Variants in SNAPC4 observed in about 807,000 individuals in gnomAD.
SNAPC4 encodes small nuclear RNA activating complex polypeptide 4.
In SNAPC4, 127 loss-of-function variants were observed where a neutral mutation model predicts 151.3. The ratio of observed to expected loss-of-function variants is 0.84; its 90% confidence interval spans 0.73 to 0.97. The LOEUF (loss-of-function observed/expected upper bound fraction) is 0.97, where lower values mean the gene tolerates loss of function less well. Ranked by LOEUF, SNAPC4 falls within the 50% of genes least tolerant of loss-of-function variation. The probability of loss-of-function intolerance (pLI) is 0.00; values close to 1 mark genes in which losing one functional copy is unlikely to be tolerated. For missense variants in SNAPC4, 2,186 were observed against 1,935.0 expected (o/e 1.13, Z -2.43); for synonymous variants, 1,002 against 824.4 (o/e 1.22, Z -3.69).
intron 6 of SNAPC4, 56 bp downstream of exon 6, chr9:136,394,744 G>C (rs935295551): frequency 4.8e-6 from 7 of 1,467,414 alleles, no homozygotes; most frequent in Non-Finnish European, 6.7e-6. Context: ...GGAAAGGAGG[G>C]CCATGGGGAG....
In SNAPC4 at chr9:136,392,015, T is replaced by C. The variant is rs995543337; in HGVS notation, c.902A>G (p.Glu301Gly). ...CGCGATCGCCTGCAGCCGCTCCTCC[T>C]CCTCCCTGCTCCACTCCTGCTTGTT... The part of the protein sequence containing the change: ...SINKQEWSRE[E>G]EERLQAIAAA... Residue 301 changes from glutamate to glycine, a missense_variant, in exon 10 of 24, where the codon GAG (glutamate) becomes GGG (glycine). Coordinates refer to ENST00000684778, the MANE Select transcript of SNAPC4 (RefSeq NM_003086.4). 6.2e-7 allele frequency: 1 copy of C among 1,611,670 alleles called. No individual in the cohort carries two copies. The highest frequency in any genetic ancestry group is 8.5e-7 in the Non-Finnish European group (1 of 1,179,948).
At chr9:136,398,094 G>A (rs915623919) in intron 2 of SNAPC4, among the ~76,000 whole-genome samples, 2 of 152,066 alleles carry the variant, frequency 1.3e-5, no homozygotes, top group Non-Finnish European at 1.5e-5. Flanking sequence ...TATTTTTAGA[G>A]ACAGGGTCTT....
intron 7 of SNAPC4, 106 bp from the exon 8 acceptor site, chr9:136,392,883 G>A (rs573016508): frequency 6.7e-5 from 62 of 925,748 alleles, no homozygotes; most frequent in African/African-American, 2.0e-4. Context: ...CAGAGATTCC[G>A]AGCCTCCCTC....
chr9:136,388,684 G>A (rs1217923246), intron 10 of SNAPC4, 93 bp from the exon 11 acceptor site: 2 of 1,497,918 alleles, frequency 1.3e-6, no homozygotes, highest in Non-Finnish European at 1.8e-6. Context: ...GTGGGCCCAT[G>A]AGCCACTGGG....
rs1297225121 is a variant in SNAPC4, at chr9:136,383,457, A to G, written c.1712T>C (p.Leu571Pro). Reference sequence around the variant, plus strand: ...GGTGCTCTGCCTGGCAGGAACCCACAGGTCCATGTCCGGGACCATGTACTG... The same window carrying G: ...GGTGCTCTGCCTGGCAGGAACCCACGGGTCCATGTCCGGGACCATGTACTG... ...SPQYMVPDMD[L>P]WVPARQSTSQ... Residue 571 changes from leucine (L) to proline (P), a missense_variant, in exon 16 of 24, where the codon CTG (leucine) becomes CCG (proline). Physicochemically the swap from Leu to Pro is moderately conservative, Grantham distance 98. Transcript: ENST00000684778. This position sits in a 1 kb window ranked among gnomAD's most constrained non-coding sequence, Gnocchi z 4.2. 6.4e-7 allele frequency: 1 copy of G among 1,562,268 alleles called. No individual in the cohort carries two copies. Among genetic ancestry groups the G allele is most frequent in the Non-Finnish European group, 8.7e-7 (1 of 1,153,540 alleles).
chr9:136,391,109 C>T (rs1834058927), intron 10 of SNAPC4, among the ~76,000 whole-genome samples: 1 of 152,206 alleles, frequency 6.6e-6, no homozygotes, highest in Non-Finnish European at 1.5e-5. Context: ...GCTGGGATTA[C>T]AGGGGTGAGC....
At chr9:136,382,149 C>T (rs1208802984) in intron 17 of SNAPC4, 76 bp from the exon 18 acceptor site, 1 of 1,569,728 alleles carries the variant, frequency 6.4e-7, no homozygotes, top group Non-Finnish European at 8.6e-7. Context: ...GTGGCCAGTG[C>T]TGCCCTCCAC....
chr9:136,381,840 G>A lies in SNAPC4; in HGVS notation c.2301C>T (p.Ala767=), dbSNP rs201461888. 91 of 1,609,108 alleles carry A rather than the reference G, an allele frequency of 5.7e-5. No homozygotes were observed. Among genetic ancestry groups the A allele is most frequent in the Admixed American group, 8.3e-5 (5 of 59,982 alleles). The change falls in exon 18 of 24, where the codon GCC becomes GCT. Residue 767 remains alanine (A), a synonymous_variant. Transcript: ENST00000684778. ...AGGCCATACCTTGAGTCTGCACTAC[G>A]GCGGGTCTCTGGGAAGCCTGTGTGC... ...VPCTQASQRP[A]VVQTQADGLR...
rs1833531253 is a variant in SNAPC4, at chr9:136,378,100, G to GCAGGGGCAGCTTCTCCAGGCC, written c.3706_3726dup (p.Gly1236_Leu1242dup). The stretch of plus-strand genomic sequence containing the variant: ...GCCCCCTTCTCAGGCCCAGGCTGGC[G>GCAGGGGCAGCTTCTCCAGGCC]CAGGGGCAGCTTCTCCAGGCCCAGA... On this transcript the variant is annotated inframe_insertion, in exon 22 of 24. Transcript: ENST00000684778. 1.3e-6 allele frequency: 2 copies of GCAGGGGCAGCTTCTCCAGGCC among 1,590,858 alleles called. No individual in the cohort carries two copies. Among genetic ancestry groups the GCAGGGGCAGCTTCTCCAGGCC allele is most frequent in the African/African-American group, 1.3e-5 (1 of 74,540 alleles).
chr9:136,378,454 G>C lies in SNAPC4; in HGVS notation c.3373C>G (p.Pro1125Ala). ...GAGCTGCTCAACGCTGGGGCCCTGG[G>C]GCCCTGGGCCGCCCGAGTCTCAGTC... The part of the protein sequence containing the change: ...PLTETRAAQG[P>A]RAPALSSSWQ... Residue 1125 changes from proline (P) to alanine (A), a missense_variant, in exon 22 of 24, where the codon CCC (proline) becomes GCC (alanine). Physicochemically the swap from Pro to Ala is conservative, Grantham distance 27. Transcript: ENST00000684778. The C allele has an allele frequency of 6.3e-7, 1 of 1,588,972 alleles. No homozygotes were observed. The highest frequency in any genetic ancestry group is 1.1e-5 in the South Asian group (1 of 89,828).
At chr9:136,397,134 G>A (rs1419580838) in intron 2 of SNAPC4, 111 bp from the exon 3 acceptor site, 8 of 953,182 alleles carry the variant, frequency 8.4e-6, no homozygotes, top group Admixed American at 1.7e-5. Flanking sequence ...TAGTGACAGC[G>A]CCTCAGGCTG....
intron 23 of SNAPC4, among the ~76,000 whole-genome samples, chr9:136,376,041 CA>C (rs1189519537): frequency 1.3e-5 from 2 of 152,194 alleles, no homozygotes; most frequent in African/African-American, 2.4e-5. Context: ...GACGACGCAG[CA>C]ATGCACGGGA....
chr9:136,398,963 G>T (rs1177666282), intron 1 of SNAPC4, among the ~76,000 whole-genome samples: 1 of 152,234 alleles, frequency 6.6e-6, no homozygotes, highest in Admixed American at 6.5e-5. Context: ...AGCATGGTTG[G>T]GAAGGAAGCT....
chr9:136,379,429 C>T (rs1369470151), intron 21 of SNAPC4, 130 bp from the exon 22 acceptor site: 12 of 1,415,144 alleles, frequency 8.5e-6, no homozygotes, highest in East Asian at 2.5e-5. Context: ...GAGGGTCAAG[C>T]GGCACATCCT....
At chr9:136,392,234 G>A (rs1464945715) in intron 9 of SNAPC4, 128 bp from the exon 10 acceptor site, 18 of 1,208,216 alleles carry the variant, frequency 1.5e-5, no homozygotes, top group Admixed American at 7.2e-5. Flanking sequence ...CGCAATCTTC[G>A]TCCAACTCAC....
chr9:136,392,099 C>T lies in SNAPC4; in HGVS notation c.818G>A (p.Gly273Asp). 2 of 1,612,034 alleles carry T rather than the reference C, an allele frequency of 1.2e-6. No individual in the cohort carries two copies. Among genetic ancestry groups the T allele is most frequent in the Non-Finnish European group, 1.7e-6 (2 of 1,179,992 alleles). The change falls in exon 10 of 24, where the codon GGC (glycine) becomes GAC (aspartate). Residue 273 changes from glycine (G) to aspartate (D), a missense_variant. Transcript: ENST00000684778. ...WEKISNINFE[G>D]SRSAEEIRKF... ...CCGGATCTCCTCTGCACTGCGGCTG[C>T]CTTCAAACTGCACCGACAGAGACAC... is the stretch of plus-strand genomic sequence containing the variant.
intron 10 of SNAPC4, among the ~76,000 whole-genome samples, chr9:136,390,078 GAC>G (rs777762731): frequency 2.0e-5 from 3 of 152,098 alleles, no homozygotes; most frequent in Non-Finnish European, 4.4e-5. Context: ...AAACCAGCAA[GAC>G]AGAGTGGAAG....
rs747332487 is a variant in SNAPC4, at chr9:136,381,953, G to A, written c.2188C>T (p.Arg730Cys). 46 of 1,612,216 alleles carry A rather than the reference G, an allele frequency of 2.9e-5. No homozygotes were observed. Among genetic ancestry groups the A allele is most frequent in the African/African-American group, 1.2e-4 (9 of 74,914 alleles). ...CTCCGGTGCAGAGCGTGTCTCCAGCGCCGCTGCCCACTCTGGGTGGCTCTG... is the reference window on the plus strand; with the variant it reads ...CTCCGGTGCAGAGCGTGTCTCCAGCACCGCTGCCCACTCTGGGTGGCTCTG... ...RHRATQSGQRRWRHALHRRLL... is the reference protein window; with the variant it reads ...RHRATQSGQRCWRHALHRRLL... The change falls in exon 18 of 24, where the codon CGC becomes TGC. Residue 730 changes from arginine to cysteine, a missense_variant. By Grantham distance (180) the Arg-to-Cys change is radical. Coordinates refer to ENST00000684778, the MANE Select transcript of SNAPC4 (RefSeq NM_003086.4).
At position 136,383,233 on chromosome 9, in the gene SNAPC4, G is replaced by A. The variant is rs1269008809; in HGVS notation, c.1936C>T (p.His646Tyr). The A allele has an allele frequency of 6.3e-6, 10 of 1,579,186 alleles. 1 individual carries two copies. The South Asian group carries it at 1.1e-4, about 18-fold the overall frequency. Reference sequence around the variant, plus strand: ...CCCGCCGGGCGAGTGTCTGCTGAGTGGGAGGCCTGGGCAGACCTCGGGACA... The same window carrying A: ...CCCGCCGGGCGAGTGTCTGCTGAGTAGGAGGCCTGGGCAGACCTCGGGACA... Reference protein sequence around the residue: ...GPVPRSAQASHSADTRPAGAE... With the variant: ...GPVPRSAQASYSADTRPAGAE... Residue 646 changes from histidine (H) to tyrosine (Y), a missense_variant, in exon 16 of 24, where the codon CAC becomes TAC. Physicochemically the swap from His to Tyr is moderately conservative, Grantham distance 83. Coordinates refer to ENST00000684778, the MANE Select transcript of SNAPC4 (RefSeq NM_003086.4). This position sits in a 1 kb window ranked among gnomAD's most constrained non-coding sequence, Gnocchi z 4.2.
Sources: gnomAD v4.1 joint callset for allele counts (sites outside exome capture counted in the v4.1 genomes callset) on GRCh38, gnomAD v4.1.1 for gene constraint, Gnocchi (gnomAD v3.1) non-coding constraint, MANE v1.5 for transcripts, NCBI Gene and HGNC (gene_info 2026-07-23, HGNC 2026-07-21) for gene names.